The following BMPR1B variants were observed in gnomAD, a reference collection of about 807,000 sequenced individuals.
BMPR1B encodes the protein bone morphogenetic protein receptor type 1B.
BMPR1B carries 12 observed loss-of-function variants against 59.1 expected under a neutral mutation model. The ratio of observed to expected loss-of-function variants is 0.20; its 90% CI spans 0.13 to 0.33. The LOEUF (loss-of-function observed/expected upper bound fraction) is 0.33. BMPR1B is among the 10% of genes least tolerant of loss of function. The probability of loss-of-function intolerance (pLI) is 1.00; values close to 1 mark genes in which losing one functional copy is unlikely to be tolerated. For missense variants in BMPR1B, 550 were observed against 610.9 expected (o/e 0.90, Z 1.05); for synonymous variants, 237 against 207.3 (o/e 1.14, Z -1.23).
At chr4:95,027,750 G>A (rs1321020577) in intron 3 of BMPR1B, among the ~76,000 whole-genome samples, 1 of 152,132 alleles carries the variant, frequency 6.6e-6, no homozygotes, top group African/African-American at 2.4e-5. Flanking sequence ...AATTAAATGA[G>A]TAGATGAAAT....
chr4:95,077,425 T>C, intron 3 of BMPR1B, among the ~76,000 whole-genome samples: 1 of 152,076 alleles, frequency 6.6e-6, no homozygotes, highest in East Asian at 1.9e-4. Context: ...GTTAGAACAG[T>C]TTTCACCTGA....
intron 6 of BMPR1B, among the ~76,000 whole-genome samples, chr4:95,116,415 G>GCACACACACACACACACACACA (rs1491178901): frequency 1.5e-5 from 1 of 67,846 alleles, no homozygotes; most frequent in African/African-American, 8.0e-5. Context: ...CATGCTTTCA[G>GCACACACACACACACACACACA]CGCGCGCACA....
chr4:95,040,571 G>A (rs539636556), intron 3 of BMPR1B, among the ~76,000 whole-genome samples: 2 of 152,276 alleles, frequency 1.3e-5, no homozygotes, highest in South Asian at 2.1e-4. Flanking sequence ...CACTAATTTG[G>A]TAAAGAAGAA....
intron 12 of BMPR1B, 139 bp from the exon 13 acceptor site, chr4:95,154,409 C>A: frequency 8.3e-7 from 1 of 1,202,360 alleles, no homozygotes; most frequent in Non-Finnish European, 1.2e-6. Context: ...AAAAAGCTTA[C>A]AGAATTTTAC....
intron 3 of BMPR1B, among the ~76,000 whole-genome samples, chr4:95,053,399 T>G (rs953528352): frequency 1.3e-5 from 2 of 151,678 alleles, no homozygotes; most frequent in Non-Finnish European, 2.9e-5. Context: ...CCAGAATGCC[T>G]GGTTTTTAAT....
intron 1 of BMPR1B, among the ~76,000 whole-genome samples, chr4:94,790,854 A>G (rs1397068143): frequency 3.9e-5 from 6 of 152,236 alleles, no homozygotes; most frequent in Non-Finnish European, 8.8e-5. Context: ...TGTAGTTTGC[A>G]TGACATCTGT....
intron 10 of BMPR1B, among the ~76,000 whole-genome samples, chr4:95,143,007 G>A (rs1047629149): frequency 3.3e-5 from 5 of 151,982 alleles, no homozygotes; most frequent in Non-Finnish European, 7.3e-5. Context: ...ATGCATGATA[G>A]TCAAGAGCTT....
intron 1 of BMPR1B, among the ~76,000 whole-genome samples, chr4:94,848,779 G>A (rs1309843743): frequency 6.6e-6 from 1 of 152,084 alleles, no homozygotes; most frequent in Non-Finnish European, 1.5e-5. Flanking sequence ...GAATGGCAGG[G>A]GTGGAGCTGA....
chr4:94,932,477 A>G (rs933391128), intron 2 of BMPR1B, among the ~76,000 whole-genome samples: 2 of 152,212 alleles, frequency 1.3e-5, no homozygotes, highest in Non-Finnish European at 2.9e-5. Context: ...GCTATTTTAA[A>G]AAACTTGCAA....
intron 2 of BMPR1B, among the ~76,000 whole-genome samples, chr4:94,932,898 G>A (rs1729150087): frequency 6.6e-6 from 1 of 152,080 alleles, no homozygotes; most frequent in African/African-American, 2.4e-5. Flanking sequence ...CCTGTATTCT[G>A]TCAGGATCAT....
intron 2 of BMPR1B, among the ~76,000 whole-genome samples, chr4:94,929,236 G>T (rs1480841439): frequency 6.6e-6 from 1 of 152,070 alleles, no homozygotes; most frequent in Non-Finnish European, 1.5e-5. Flanking sequence ...TGCCTTGGGG[G>T]ATAGTGGCAT....
chr4:94,828,197 A>G (rs1724451564), intron 1 of BMPR1B, among the ~76,000 whole-genome samples: 1 of 152,254 alleles, frequency 6.6e-6, no homozygotes, highest in Non-Finnish European at 1.5e-5. Flanking sequence ...AGGATTAATA[A>G]CTAAAACATT....
intron 1 of BMPR1B, among the ~76,000 whole-genome samples, chr4:94,850,435 A>G (rs1289875379): frequency 6.6e-6 from 1 of 152,160 alleles, no homozygotes; most frequent in African/African-American, 2.4e-5. Context: ...TCAAAGTAGT[A>G]ATGTAAACAA....
intron 9 of BMPR1B, among the ~76,000 whole-genome samples, chr4:95,130,442 A>T (rs565773921): frequency 6.6e-6 from 1 of 152,152 alleles, no homozygotes; most frequent in African/African-American, 2.4e-5. Context: ...TTGAGAATTG[A>T]TTTTGTTTCG....
intron 1 of BMPR1B, among the ~76,000 whole-genome samples, chr4:94,765,981 T>G (rs1293342911): frequency 6.6e-6 from 1 of 152,190 alleles, no homozygotes; most frequent in Non-Finnish European, 1.5e-5. Context: ...TCATCATCTG[T>G]AAAATGTCAA....
chr4:95,133,800 A>C (rs528034121), intron 10 of BMPR1B, among the ~76,000 whole-genome samples: 203 of 148,588 alleles, frequency 1.4e-3, no homozygotes, highest in Non-Finnish European at 2.6e-3. Flanking sequence ...AAACTCCTGG[A>C]CTCAAGTGAT....
chr4:95,007,131 A>T (rs556811153), intron 3 of BMPR1B, among the ~76,000 whole-genome samples: 1 of 152,266 alleles, frequency 6.6e-6, no homozygotes, highest in South Asian at 2.1e-4. Flanking sequence ...GTTTCTTTAT[A>T]CAACAACAGC....
chr4:95,042,390 T>C (rs920466065), intron 3 of BMPR1B, among the ~76,000 whole-genome samples: 1 of 152,216 alleles, frequency 6.6e-6, no homozygotes, highest in Admixed American at 6.5e-5. Flanking sequence ...TGTTCTCTTA[T>C]GGCTTGATGT....
At chr4:95,051,997 T>C (rs1726542351) in intron 3 of BMPR1B, among the ~76,000 whole-genome samples, 1 of 152,250 alleles carries the variant, frequency 6.6e-6, no homozygotes, top group Admixed American at 6.5e-5. Context: ...ATTTCTATTT[T>C]CTCTAACAAT....
Sources: allele counts gnomAD v4.1 joint callset (sites outside exome capture counted in the v4.1 genomes callset), GRCh38; gene constraint gnomAD v4.1.1; transcripts MANE v1.5; gene names NCBI Gene and HGNC (gene_info 2026-07-23, HGNC 2026-07-21).